Variants in NXPE2 observed in about 807,000 individuals in gnomAD.
The protein encoded by NXPE2 is NXPE family member 2.
A neutral mutation model predicts 34.4 loss-of-function variants in NXPE2; 34 were observed. The observed-to-expected ratio is 0.99, with a 90% CI of 0.75 to 1.31. NXPE2 has a LOEUF of 1.31. NXPE2 is among the 40% of genes most tolerant of loss of function. The probability of loss-of-function intolerance (pLI) is 0.00; values close to 1 mark genes in which losing one functional copy is unlikely to be tolerated. For missense variants in NXPE2, 649 were observed against 672.5 expected (o/e 0.97, Z 0.39); for synonymous variants, 235 against 231.3 (o/e 1.02, Z -0.15).
the NXPE2 span, among the ~76,000 whole-genome samples, chr11:114,769,126 C>A: frequency 6.6e-6 from 1 of 151,744 alleles, no homozygotes; most frequent in Non-Finnish European, 1.5e-5. Context: ...AAAAAAACAA[C>A]CCCATCAAAA....
intron 2 of NXPE2, among the ~76,000 whole-genome samples, chr11:114,680,393 G>C (rs1950928657): frequency 6.6e-6 from 1 of 152,014 alleles, no homozygotes; most frequent in African/African-American, 2.4e-5. Context: ...GTCTAACACA[G>C]ACTTACCTCC....
chr11:114,493,983 G>C, the NXPE2 span, among the ~76,000 whole-genome samples: 50 of 152,066 alleles, frequency 3.3e-4, 1 homozygote, highest in African/African-American at 1.2e-3. Context: ...ACTATTCTAT[G>C]GTAAAAGTTT....
At chr11:114,811,844 G>C in the NXPE2 span, among the ~76,000 whole-genome samples, 1 of 152,312 alleles carries the variant, frequency 6.6e-6, no homozygotes, top group East Asian at 1.9e-4. Context: ...TTACCTCCAT[G>C]ACCTTGGGAA....
At chr11:114,567,504 A>G in the NXPE2 span, among the ~76,000 whole-genome samples, 31,532 of 151,686 alleles carry the variant, frequency 0.21, 4,329 homozygotes, top group African/African-American at 0.38. Flanking sequence ...CCTTCTTTCA[A>G]GTTTTTTTTG....
chr11:114,779,812 C>A, the NXPE2 span, among the ~76,000 whole-genome samples: 1 of 152,130 alleles, frequency 6.6e-6, no homozygotes, highest in Admixed American at 6.5e-5. Context: ...CCGGTGATTC[C>A]TCCGACTTAC....
At chr11:114,804,308 A>G in the NXPE2 span, among the ~76,000 whole-genome samples, 5 of 152,194 alleles carry the variant, frequency 3.3e-5, no homozygotes, top group Admixed American at 6.5e-5. Context: ...GCCAAGGTCT[A>G]TGGTTTTGTC....
chr11:114,638,937 CA>C, the NXPE2 span, among the ~76,000 whole-genome samples: 7 of 152,078 alleles, frequency 4.6e-5, no homozygotes, highest in East Asian at 1.4e-3. Flanking sequence ...CTTGAGGAGG[CA>C]GTCTGCCCAT....
chr11:114,650,190 A>G, the NXPE2 span, among the ~76,000 whole-genome samples: 1 of 152,212 alleles, frequency 6.6e-6, no homozygotes, highest in African/African-American at 2.4e-5. Flanking sequence ...TTTCAGGGAG[A>G]GATAAAATAC....
chr11:114,651,805 C>G, the NXPE2 span, among the ~76,000 whole-genome samples: 1 of 152,192 alleles, frequency 6.6e-6, no homozygotes, highest in Admixed American at 6.5e-5. Flanking sequence ...ACACAGAGTG[C>G]TGATTGGTGC....
At chr11:114,665,507 G>T in the NXPE2 span, among the ~76,000 whole-genome samples, 1 of 152,146 alleles carries the variant, frequency 6.6e-6, no homozygotes, top group East Asian at 1.9e-4. Context: ...TGAAAAGCCT[G>T]AGGTTCTCAA....
At chr11:114,499,662 A>G in the NXPE2 span, among the ~76,000 whole-genome samples, 1 of 152,148 alleles carries the variant, frequency 6.6e-6, no homozygotes, top group Admixed American at 6.5e-5. Flanking sequence ...ACATATGTTA[A>G]TTGTGCAGTT....
the NXPE2 span, among the ~76,000 whole-genome samples, chr11:114,732,336 C>T: frequency 6.6e-6 from 1 of 152,190 alleles, no homozygotes; most frequent in Admixed American, 6.5e-5. Context: ...TGAAGGACCT[C>T]CTATTACCTT....
chr11:114,661,754 A>G, the NXPE2 span, among the ~76,000 whole-genome samples: 2 of 152,250 alleles, frequency 1.3e-5, no homozygotes, highest in African/African-American at 2.4e-5. Flanking sequence ...ACAAACACAT[A>G]GTAGTTCAAT....
the NXPE2 span, among the ~76,000 whole-genome samples, chr11:114,610,185 T>C: frequency 6.6e-6 from 1 of 151,888 alleles, no homozygotes; most frequent in Non-Finnish European, 1.5e-5. Context: ...ATAATAAGTA[T>C]TGCCACGTGG....
chr11:114,553,890 C>G, the NXPE2 span: 2 of 976,406 alleles, frequency 2.0e-6, no homozygotes, highest in Admixed American at 6.2e-5. Context: ...ACATTTAGAT[C>G]GTGGAAGTCA....
the NXPE2 span, among the ~76,000 whole-genome samples, chr11:114,467,952 C>CA: frequency 7.3e-5 from 11 of 150,960 alleles, no homozygotes; most frequent in African/African-American, 7.3e-5. Flanking sequence ...CAAAACGAAA[C>CA]AAAAAAACAA....
At chr11:114,748,263 C>G in the NXPE2 span, among the ~76,000 whole-genome samples, 1 of 152,076 alleles carries the variant, frequency 6.6e-6, no homozygotes, top group Non-Finnish European at 1.5e-5. Flanking sequence ...AGTAAATTGC[C>G]TATGTGTTGC....
the NXPE2 span, among the ~76,000 whole-genome samples, chr11:114,652,113 G>A: frequency 6.6e-5 from 10 of 152,172 alleles, no homozygotes; most frequent in South Asian, 1.9e-3. Context: ...CTACTGCCTA[G>A]AGTGTTTCAC....
At chr11:114,803,580 CTCTCT>C in the NXPE2 span, among the ~76,000 whole-genome samples, 1 of 136,350 alleles carries the variant, frequency 7.3e-6, no homozygotes, top group Non-Finnish European at 1.6e-5. Flanking sequence ...GTCTCTCTCT[CTCTCT>C]TTTTTTTTTT....
Sources: allele counts gnomAD v4.1 joint callset (sites outside exome capture counted in the v4.1 genomes callset), GRCh38; gene constraint gnomAD v4.1.1; transcripts MANE v1.5; gene names NCBI Gene and HGNC (gene_info 2026-07-23, HGNC 2026-07-21).